The following PLXND1 variants were observed in gnomAD, a reference collection of about 807,000 sequenced individuals.
PLXND1 encodes the protein plexin-D1.
Under a neutral mutation model 197.7 loss-of-function variants are expected in PLXND1, and 54 were observed. The observed-to-expected ratio is 0.27, with a 90% CI of 0.22 to 0.34. The LOEUF is 0.34. Among genes scored for constraint, PLXND1 ranks in the 10% least tolerant of loss-of-function variants. The probability of loss-of-function intolerance (pLI) is 1.00; values close to 1 mark genes in which losing one functional copy is unlikely to be tolerated. For missense variants in PLXND1, 2,127 were observed against 2,699.2 expected (o/e 0.79, Z 4.70); for synonymous variants, 1,180 against 1,161.2 (o/e 1.02, Z -0.33).
At position 129,572,923 on chromosome 3, in the gene PLXND1, C is replaced by T. The variant is rs1285033161; in HGVS notation, c.2856G>A (p.Gly952=). Residue 952 remains glycine, a synonymous_variant, in exon 14 of 36, where the codon GGG becomes GGA. Transcript: ENST00000324093. ...CACCTGAGAGTGGTCCTGGGGCTGG[C>T]CCTGTGACACACACGATCCTGAGGG... ...TVSEEIVCVT[G]PAPGPLSGVV... is the part of the protein sequence containing the mutation. 6.2e-7 allele frequency: 1 copy of T among 1,613,282 alleles called. No homozygotes were observed. The highest frequency in any genetic ancestry group is 8.5e-7 in the Non-Finnish European group (1 of 1,179,572).
At chr3:129,598,965 A>T (rs780176832) in intron 1 of PLXND1, among the ~76,000 whole-genome samples, 3 of 152,218 alleles carry the variant, frequency 2.0e-5, no homozygotes, top group African/African-American at 7.2e-5. Flanking sequence ...TAACACAGAG[A>T]AAGTTCTCAA....
At chr3:129,566,150 C>G in intron 23 of PLXND1, 133 bp from the exon 24 acceptor site, 2 of 863,284 alleles carry the variant, frequency 2.3e-6, no homozygotes, top group Non-Finnish European at 3.7e-6. Context: ...GTGGATGCCT[C>G]CTAACCTTTG....
Position 129,572,590 on chromosome 3 carries a change from GCCAGGCCCAGA to G in PLXND1, c.3077+8_3077+18del. Reference sequence around the variant, plus strand: ...GATTTCTCTGGGCTGGAAGGGATGGGCCAGGCCCAGAGGCTTACATCAGCTCCGTGCAGGGG... The same window carrying G: ...GATTTCTCTGGGCTGGAAGGGATGGGGGCTTACATCAGCTCCGTGCAGGGG... On this transcript the variant is annotated splice_region_variant and intron_variant, in intron 15 of 35. Transcript: ENST00000324093. 6.7e-7 allele frequency: 1 copy of G among 1,495,258 alleles called. No individual in the cohort carries two copies. The highest frequency in any genetic ancestry group is 8.9e-7 in the Non-Finnish European group (1 of 1,122,150). The allele number at this position is 1,495,258 out of a possible 1,614,324, so 92.6% of individuals were successfully genotyped here.
In PLXND1 at chr3:129,605,666, T is replaced by A. The variant is rs923310443; in HGVS notation, c.974A>T (p.His325Leu). Residue 325 changes from histidine to leucine, a missense_variant, in exon 1 of 36, where the codon CAC becomes CTC. Physicochemically the swap from His to Leu is moderately conservative, Grantham distance 99. This residue lies in a region of PLXND1 where 1,095 missense variants were observed against 1,259.8 expected (regional missense o/e 0.87). Coordinates refer to ENST00000324093, the MANE Select transcript of PLXND1 (RefSeq NM_015103.3). ...CTTCTTGGCGTCGCCGCCGGCGCCG[T>A]GGGGCAGGCAGATGCGCGCCAGCAG... The part of the protein sequence containing the change: ...RSLLARICLP[H>L]GAGGDAKKLT... The A allele has an allele frequency of 6.5e-7, 1 of 1,536,836 alleles. No individual in the cohort carries two copies. The highest frequency in any genetic ancestry group is 1.4e-5 in the African/African-American group (1 of 72,480).
Position 129,555,784 on chromosome 3 carries a change from T to G in PLXND1, c.*528A>C, listed in dbSNP as rs1168903459. 4.4e-6 allele frequency: 2 copies of G among 454,596 alleles called. No homozygotes were observed. The highest frequency in any genetic ancestry group is 8.1e-5 in the East Asian group (2 of 24,808). 28.2% of individuals were successfully genotyped at this position (454,596 alleles called of 1,614,324 possible). On this transcript the variant is annotated 3_prime_UTR_variant, in exon 36 of 36. Coordinates refer to ENST00000324093, the MANE Select transcript of PLXND1 (RefSeq NM_015103.3). ...CAAGCAACAAAAATCTGACACTACT[T>G]GAAACTGTCTGTGGCCAGGATCCTC...
Position 129,570,806 on chromosome 3 carries a change from C to A in PLXND1, c.3730G>T (p.Val1244Leu), listed in dbSNP as rs758594847. 1 of 1,614,124 alleles carries A rather than the reference C, an allele frequency of 6.2e-7. No homozygotes were observed. Among genetic ancestry groups the A allele is most frequent in the South Asian group, 1.1e-5 (1 of 91,084 alleles). Residue 1244 changes from valine (V) to leucine (L), a missense_variant, in exon 19 of 36, where the codon GTG becomes TTG. Transcript: ENST00000324093. The stretch of plus-strand genomic sequence containing the variant: ...CTCACTGTGATGGGCAGCTGCCCCA[C>A]GGCCGCGCCCAGGGACTCGTTGACC... Reference protein sequence around the residue: ...CSVNESLGAAVGQLPITIQVG... With the variant: ...CSVNESLGAALGQLPITIQVG...
intron 1 of PLXND1, among the ~76,000 whole-genome samples, chr3:129,604,562 C>T (rs1017000504): frequency 3.3e-5 from 5 of 152,194 alleles, no homozygotes; most frequent in African/African-American, 1.2e-4. Context: ...TCCACAAGTG[C>T]TATTGTTTAC....
At position 129,556,716 on chromosome 3, in the gene PLXND1, A is replaced by T. The variant is rs765588156; in HGVS notation, c.5587-25T>A. 8 of 1,546,506 alleles carry T rather than the reference A, an allele frequency of 5.2e-6. No individual in the cohort carries two copies. The Middle Eastern group carries it at 1.0e-3, about 194-fold the overall frequency. ...TCTATAAGGAGGCAGGATGGGGAGGAGGTTAGCCCAGCGGTCAAAGCTGAG... is the reference window on the plus strand; with the variant it reads ...TCTATAAGGAGGCAGGATGGGGAGGTGGTTAGCCCAGCGGTCAAAGCTGAG... On this transcript the variant is annotated intron_variant, in intron 34 of 35. Coordinates refer to ENST00000324093, the MANE Select transcript of PLXND1 (RefSeq NM_015103.3).
At chr3:129,586,477 G>C (rs1045081610) in intron 3 of PLXND1, 111 bp downstream of exon 3, 2 of 1,317,082 alleles carry the variant, frequency 1.5e-6, no homozygotes, top group Non-Finnish European at 2.1e-6. Context: ...GCAGATAAGG[G>C]AGATGGAGGA....
At chr3:129,579,151 AAAG>A (rs1455537235) in intron 8 of PLXND1, among the ~76,000 whole-genome samples, 2 of 151,712 alleles carry the variant, frequency 1.3e-5, no homozygotes, top group Non-Finnish European at 2.9e-5. Flanking sequence ...TCATGGAACG[AAAG>A]AAGGAGGGAG....
In PLXND1 at chr3:129,556,302, TC is replaced by T. The variant is rs1310597083; in HGVS notation, c.*9del. 3.2e-6 allele frequency: 5 copies of T among 1,560,090 alleles called. No individual in the cohort carries two copies. Among genetic ancestry groups the T allele is most frequent in the Non-Finnish European group, 4.4e-6 (5 of 1,130,726 alleles). On this transcript the variant is annotated 3_prime_UTR_variant, in exon 36 of 36. Transcript: ENST00000324093. ...CTCCCAGCAGCAGCCTGACCAACTCTCCATGTGTCTCAGGCCTCACTGTAGC... is the reference window on the plus strand; with the variant it reads ...CTCCCAGCAGCAGCCTGACCAACTCTCATGTGTCTCAGGCCTCACTGTAGC...
At chr3:129,556,728 C>T (rs372047695) in intron 34 of PLXND1, 37 bp from the exon 35 acceptor site, 139 of 1,481,076 alleles carry the variant, frequency 9.4e-5, no homozygotes, top group Non-Finnish European at 1.2e-4. Context: ...GTTAGCCCAG[C>T]GGTCAAAGCT....
intron 25 of PLXND1, among the ~76,000 whole-genome samples, chr3:129,564,191 T>TTCCCCCAGGAGGAGCCGTGGGGC (rs1244724118): frequency 6.6e-6 from 1 of 152,176 alleles, no homozygotes. Context: ...CACTACCCCC[T>TTCCCCCAGGAGGAGCCGTGGGGC]TCCCCCAGGA....
chr3:129,573,112 C>T (rs1191809986), intron 13 of PLXND1, 171 bp from the exon 14 acceptor site: 4 of 603,450 alleles, frequency 6.6e-6, no homozygotes, highest in Non-Finnish European at 1.2e-5. Flanking sequence ...GGGGGTGGGA[C>T]AAAAGGGTCT....
In PLXND1 at chr3:129,560,445, G is replaced by C. The variant is rs773768626; in HGVS notation, c.5029-11C>G. On this transcript the variant is annotated splice_polypyrimidine_tract_variant and intron_variant, in intron 30 of 35. Coordinates refer to ENST00000324093, the MANE Select transcript of PLXND1 (RefSeq NM_015103.3). ...GTCCGTAGGCAGCACCTGGGAGGCC[G>C]GGCAGTGGTCAGTGTCCGCACCAGG... The C allele has an allele frequency of 6.3e-7, 1 of 1,591,228 alleles. No homozygotes were observed. The highest frequency in any genetic ancestry group is 1.1e-5 in the South Asian group (1 of 90,466).
Position 129,558,585 on chromosome 3 carries a change from A to G in PLXND1, c.5298-10T>C. ...GAACCGGAGAGGAAGGCTGTGGGGT[A>G]GGGTGACAAAGACAGTGAGGGTAGG... is the stretch of plus-strand genomic sequence containing the variant. On this transcript the variant is annotated splice_polypyrimidine_tract_variant and intron_variant, in intron 32 of 35. Coordinates refer to ENST00000324093, the MANE Select transcript of PLXND1 (RefSeq NM_015103.3). This position sits in a 1 kb window ranked among gnomAD's most constrained non-coding sequence, Gnocchi z 4.1. 6.2e-7 allele frequency: 1 copy of G among 1,613,306 alleles called. No individual in the cohort carries two copies.
At chr3:129,568,140 G>A (rs1375243460) in intron 20 of PLXND1, among the ~76,000 whole-genome samples, 1 of 152,108 alleles carries the variant, frequency 6.6e-6, no homozygotes, top group Admixed American at 6.5e-5. Context: ...GTGGTTAACA[G>A]TGGCTTTCCT....
chr3:129,560,417 C>G lies in PLXND1; in HGVS notation c.5046G>C (p.Glu1682Asp). ...GGTGAGACTTCTTGGGCTCCGCCAG[C>G]TCGTCCGTAGGCAGCACCTGGGAGG... Reference protein sequence around the residue: ...KYFHLVLPTDELAEPKKSHRQ... With the variant: ...KYFHLVLPTDDLAEPKKSHRQ... Residue 1682 changes from glutamate (E) to aspartate (D), a missense_variant, in exon 31 of 36, where the codon GAG becomes GAC. Glu to Asp is a conservative substitution (Grantham distance 45). Around this residue, in one of 6 missense-constraint regions of PLXND1, gnomAD observed 53 missense variants for 41.4 expected, o/e 1.28. Coordinates refer to ENST00000324093, the MANE Select transcript of PLXND1 (RefSeq NM_015103.3). The G allele has an allele frequency of 6.2e-7, 1 of 1,613,600 alleles. No homozygotes were observed. The highest frequency in any genetic ancestry group is 8.5e-7 in the Non-Finnish European group (1 of 1,179,608).
rs1419991276 is a variant in PLXND1 at position 129,586,488 on chromosome 3, G to C, written c.1620+100C>G. 6 of 1,386,696 alleles carry C rather than the reference G, an allele frequency of 4.3e-6. No homozygotes were observed. The East Asian group carries it at 1.5e-4, about 35-fold the overall frequency. 85.9% of individuals were successfully genotyped at this position (1,386,696 alleles called of 1,614,324 possible). A position where few individuals can be genotyped will look rare whatever the true frequency, so the allele number is the denominator to read the frequency against. The stretch of plus-strand genomic sequence containing the variant: ...GTTAGCAGATAAGGGAGATGGAGGA[G>C]GAGGGTGCTCCCAGCAGAGGAACAG... On this transcript the variant is annotated intron_variant, in intron 3 of 35. Transcript: ENST00000324093.
Sources: gnomAD v4.1 joint callset for allele counts (sites outside exome capture counted in the v4.1 genomes callset) on GRCh38, gnomAD v4.1.1 for gene constraint, gnomAD v4.1.1 regional missense constraint, Gnocchi (gnomAD v3.1) non-coding constraint, MANE v1.5 for transcripts, NCBI Gene and HGNC (gene_info 2026-07-23, HGNC 2026-07-21) for gene names.